The following SLCO1A2 variants were observed in gnomAD, a reference collection of about 807,000 sequenced individuals.
The protein encoded by SLCO1A2 is solute carrier organic anion transporter family member 1A2, also known as OATP-1.
In SLCO1A2, 67 loss-of-function variants were observed where a neutral mutation model predicts 69.0. The observed-to-expected ratio is 0.97, with a 90% CI of 0.80 to 1.19. The LOEUF (loss-of-function observed/expected upper bound fraction) is 1.19, where lower values mean the gene tolerates loss of function less well. SLCO1A2 is among the 50% of genes most tolerant of loss of function. The pLI is 0.00. For synonymous variants in SLCO1A2, 260 were observed against 265.9 expected, an observed-to-expected ratio of 0.98 and a Z score of 0.22; for missense variants, 787 against 793.7, an observed-to-expected ratio of 0.99 and a Z score of 0.10.
At chr12:21,400,901 T>G (rs1941677692) in intron 1 of SLCO1A2, among the ~76,000 whole-genome samples, 3 of 130,850 alleles carry the variant, frequency 2.3e-5, no homozygotes, top group African/African-American at 5.6e-5. Context: ...GGGGGAGGGA[T>G]AGCATCGGGA....
At chr12:21,354,276 C>G (rs527454404) in intron 2 of SLCO1A2, among the ~76,000 whole-genome samples, 1 of 152,296 alleles carries the variant, frequency 6.6e-6, no homozygotes, top group South Asian at 2.1e-4. Context: ...ACTGAAAAAT[C>G]AACAAGCATT....
chr12:21,304,687 A>G, intron 5 of SLCO1A2, 114 bp from the exon 6 acceptor site: 3 of 969,890 alleles, frequency 3.1e-6, no homozygotes, highest in Non-Finnish European at 4.6e-6. Flanking sequence ...CCCCTTGTCA[A>G]TGATTTATAT....
intron 2 of SLCO1A2, among the ~76,000 whole-genome samples, chr12:21,364,986 G>C (rs1049330124): frequency 1.3e-5 from 2 of 152,154 alleles, no homozygotes; most frequent in Non-Finnish European, 2.9e-5. Flanking sequence ...GTAATTTATA[G>C]ATTCAATGCC....
intron 1 of SLCO1A2, among the ~76,000 whole-genome samples, chr12:21,401,201 A>C (rs961574385): frequency 9.2e-5 from 14 of 151,964 alleles, no homozygotes; most frequent in African/African-American, 3.4e-4. Flanking sequence ...ATTATAGACA[A>C]TTACTAATAC....
At chr12:21,306,081 A>C (rs1172668673) in intron 5 of SLCO1A2, among the ~76,000 whole-genome samples, 1 of 152,216 alleles carries the variant, frequency 6.6e-6, no homozygotes, top group East Asian at 1.9e-4. Context: ...GGGGGAAAAA[A>C]AAAGAGCAGA....
At chr12:21,310,775 T>C (rs1319455053) in intron 4 of SLCO1A2, among the ~76,000 whole-genome samples, 1 of 152,184 alleles carries the variant, frequency 6.6e-6, no homozygotes, top group Non-Finnish European at 1.5e-5. Context: ...GCTCATTTTT[T>C]TGTGTTTTTA....
chr12:21,304,171 G>A (rs1949063109), intron 6 of SLCO1A2, among the ~76,000 whole-genome samples: 1 of 152,130 alleles, frequency 6.6e-6, no homozygotes. Flanking sequence ...GTAGTGCCAA[G>A]CAGATGAAAG....
intron 1 of SLCO1A2, among the ~76,000 whole-genome samples, chr12:21,400,607 G>C (rs1251771691): frequency 6.6e-6 from 1 of 151,646 alleles, no homozygotes; most frequent in Non-Finnish European, 1.5e-5. Flanking sequence ...ATTCACAATA[G>C]CAAAGACTTG....
At chr12:21,331,991 A>G (rs968996219) in intron 2 of SLCO1A2, among the ~76,000 whole-genome samples, 1 of 152,120 alleles carries the variant, frequency 6.6e-6, no homozygotes, top group Non-Finnish European at 1.5e-5. Flanking sequence ...CAGGAGATTC[A>G]TCAAAGGTCA....
chr12:21,326,133 C>T (rs899731387), intron 2 of SLCO1A2, among the ~76,000 whole-genome samples: 13 of 152,188 alleles, frequency 8.5e-5, no homozygotes, highest in African/African-American at 2.7e-4. Context: ...GGGCAGTTCC[C>T]TGGCACATGC....
intron 1 of SLCO1A2, among the ~76,000 whole-genome samples, chr12:21,401,240 G>T (rs1315378068): frequency 6.6e-6 from 1 of 151,628 alleles, no homozygotes; most frequent in Non-Finnish European, 1.5e-5. Flanking sequence ...TTCCTATATT[G>T]TAATTAATAA....
chr12:21,401,633 TTTATA>T (rs1199370623), intron 1 of SLCO1A2, among the ~76,000 whole-genome samples: 1 of 151,812 alleles, frequency 6.6e-6, no homozygotes, highest in Non-Finnish European at 1.5e-5. Flanking sequence ...TTTTAATCAT[TTTATA>T]TTTTGTTTAT....
At chr12:21,338,404 C>T (rs1248470517), upstream of SLCO1A2, among the ~76,000 whole-genome samples, 1 of 151,866 alleles carries the variant, frequency 6.6e-6, no homozygotes, top group Non-Finnish European at 1.5e-5. Context: ...ATCATCCTGG[C>T]CTTCAGTCAG....
chr12:21,279,127 T>G (rs1944371677), intron 12 of SLCO1A2, among the ~76,000 whole-genome samples: 1 of 151,928 alleles, frequency 6.6e-6, no homozygotes, highest in African/African-American at 2.4e-5. Context: ...TTAGTGAGCT[T>G]GAAGATAGGC....
At chr12:21,309,232 C>G (rs1173361670) in intron 4 of SLCO1A2, among the ~76,000 whole-genome samples, 1 of 151,970 alleles carries the variant, frequency 6.6e-6, no homozygotes, top group East Asian at 1.9e-4. Context: ...GTCCAATATT[C>G]AAGTAATAGA....
chr12:21,378,418 C>A (rs766199373), intron 1 of SLCO1A2: 2 of 1,612,192 alleles, frequency 1.2e-6, no homozygotes, highest in East Asian at 4.5e-5. Context: ...GAATTACTTG[C>A]CCCTTTAGAG....
intron 12 of SLCO1A2, among the ~76,000 whole-genome samples, chr12:21,278,555 G>C (rs140450330): frequency 3.2e-4 from 49 of 152,236 alleles, no homozygotes; most frequent in Non-Finnish European, 5.7e-4. Context: ...CCACTTGTTT[G>C]GAAGAAATTA....
chr12:21,391,672 A>AT (rs990936729), intron 1 of SLCO1A2, among the ~76,000 whole-genome samples: 6 of 151,268 alleles, frequency 4.0e-5, no homozygotes, highest in East Asian at 1.9e-4. Context: ...TTATAGGTCC[A>AT]TTTTTTTTAA....
At chr12:21,368,467 TA>T (rs200818592) in intron 2 of SLCO1A2, among the ~76,000 whole-genome samples, 3,600 of 137,054 alleles carry the variant, frequency 0.026, 158 homozygotes, top group African/African-American at 0.091. Flanking sequence ...ACAAACCAGT[TA>T]AATTTTTTTT....
Sources: gnomAD v4.1 joint callset for allele counts (sites outside exome capture counted in the v4.1 genomes callset) on GRCh38, gnomAD v4.1.1 for gene constraint, MANE v1.5 for transcripts, NCBI Gene and HGNC (gene_info 2026-07-23, HGNC 2026-07-21) for gene names.